Variants in SCFD1 observed in about 807,000 individuals in gnomAD.
SCFD1 encodes sec1 family domain-containing protein 1.
SCFD1 carries 37 observed loss-of-function variants against 103.2 expected under a neutral mutation model. That is an observed-to-expected ratio of 0.36 (90% CI 0.28 to 0.47). The LOEUF (loss-of-function observed/expected upper bound fraction) is 0.47, where lower values mean the gene tolerates loss of function less well. Ranked by LOEUF, SCFD1 falls within the 20% of genes least tolerant of loss-of-function variation. The probability of loss-of-function intolerance (pLI) is 1.00; values close to 1 mark genes in which losing one functional copy is unlikely to be tolerated. For synonymous variants in SCFD1, 264 were observed against 245.0 expected (o/e 1.08, Z -0.73); for missense variants, 639 against 761.2 (o/e 0.84, Z 1.89).
At chr14:30,701,585 G>C (rs906607370) in intron 16 of SCFD1, among the ~76,000 whole-genome samples, 1 of 151,956 alleles carries the variant, frequency 6.6e-6, no homozygotes, top group Non-Finnish European at 1.5e-5. Context: ...ATCAACAGGG[G>C]TTTACCTATA....
chr14:30,719,468 T>G, intron 21 of SCFD1, 91 bp downstream of exon 21: 1 of 853,748 alleles, frequency 1.2e-6, no homozygotes, highest in Non-Finnish European at 1.9e-6. Context: ...TTATTAAAAA[T>G]CCAAACTATA....
intron 23 of SCFD1, among the ~76,000 whole-genome samples, chr14:30,730,845 C>CTTAGT (rs1013525171): frequency 2.6e-5 from 4 of 152,028 alleles, no homozygotes; most frequent in African/African-American, 9.7e-5. Context: ...GCAGAAGCTC[C>CTTAGT]TTAGTTTAGT....
rs534093226 is a variant in SCFD1 at position 30,664,716 on chromosome 14, G to T, written c.856-5540G>T. On this transcript the variant is annotated intron_variant, in intron 10 of 24. Coordinates refer to ENST00000458591, the MANE Select transcript of SCFD1 (RefSeq NM_016106.4). ...AGACCTTAAATGACCTGATGGAGCT[G>T]AAAACCATGGCACGAGAACTACGTG... 2.6e-5 allele frequency among the ~76,000 whole-genome samples: 4 copies of T among 152,238 alleles called. 1 individual carries two copies. In the South Asian group the frequency reaches 8.3e-4, roughly 32 times the overall value.
chr14:30,701,513 C>G (rs1594729747), intron 16 of SCFD1, among the ~76,000 whole-genome samples: 1 of 151,956 alleles, frequency 6.6e-6, no homozygotes, highest in Non-Finnish European at 1.5e-5. Context: ...CAAGATTGCT[C>G]CACTGCACTC....
intron 1 of SCFD1, among the ~76,000 whole-genome samples, chr14:30,626,188 A>G (rs1334400252): frequency 6.6e-6 from 1 of 151,752 alleles, no homozygotes; most frequent in Non-Finnish European, 1.5e-5. Flanking sequence ...AATACATTAA[A>G]TAAAATACAT....
Position 30,622,371 on chromosome 14 carries a change from A to G in SCFD1, c.33A>G (p.Ala11=), listed in dbSNP as rs1390478349. 2 of 1,560,042 alleles carry G rather than the reference A, an allele frequency of 1.3e-6. No individual in the cohort carries two copies. Among genetic ancestry groups the G allele is most frequent in the East Asian group, 4.8e-5 (2 of 41,662 alleles). MAAAAAATAA[A]AASIRERQTV... The stretch of plus-strand genomic sequence containing the variant: ...CGGCGGCGGCAGCGACAGCAGCAGC[A>G]GCAGCCAGTATTCGGGAAAGGCAGA... The change falls in exon 1 of 25, where the codon GCA becomes GCG. Residue 11 remains alanine (A), a synonymous_variant. Transcript: ENST00000458591.
intron 10 of SCFD1, among the ~76,000 whole-genome samples, chr14:30,660,409 G>A (rs1351435318): frequency 6.6e-6 from 1 of 152,100 alleles, no homozygotes; most frequent in East Asian, 1.9e-4. Flanking sequence ...GGTACATAAT[G>A]TCTGTTTGTC....
intron 2 of SCFD1, among the ~76,000 whole-genome samples, chr14:30,629,928 T>C (rs192884113): frequency 1.1e-3 from 164 of 151,694 alleles, no homozygotes; most frequent in Admixed American, 2.4e-3. Flanking sequence ...ATGCTTAAAA[T>C]ACTAAATTTT....
intron 19 of SCFD1, among the ~76,000 whole-genome samples, chr14:30,714,209 C>A (rs1221512212): frequency 6.7e-6 from 1 of 148,654 alleles, no homozygotes; most frequent in East Asian, 2.0e-4. Context: ...AAAAAATTAG[C>A]CGGGCGCAGT....
intron 19 of SCFD1, 180 bp from the exon 20 acceptor site, chr14:30,715,744 C>T: frequency 2.0e-6 from 1 of 497,758 alleles, no homozygotes. Flanking sequence ...CCTGTGGAAA[C>T]TTGAGTAGTG....
chr14:30,653,380 G>A (rs1886585469), intron 9 of SCFD1, 109 bp from the exon 10 acceptor site: 6 of 688,520 alleles, frequency 8.7e-6, no homozygotes, highest in Admixed American at 5.2e-5. Flanking sequence ...GTCAATATTA[G>A]CATACTATTA....
At chr14:30,705,792 A>G (rs376866603) in intron 17 of SCFD1, 31 bp from the exon 18 acceptor site, 1 of 1,580,618 alleles carries the variant, frequency 6.3e-7, no homozygotes, top group Non-Finnish European at 8.7e-7. Flanking sequence ...TCTAATAATT[A>G]GCTTTTAAGT....
rs1228762720 is a variant in SCFD1 at position 30,734,841 on chromosome 14, A to G, written c.1888A>G (p.Thr630Ala). Residue 630 changes from threonine to alanine, a missense_variant, in exon 24 of 25, where the codon ACA becomes GCA. Coordinates refer to ENST00000458591, the MANE Select transcript of SCFD1 (RefSeq NM_016106.4). ...LYGCSELFNA[T>A]QFIKQLSQLG... ...TGGCTGCAGTGAGCTTTTTAATGCT[A>G]CACAGTTCATAAAACAGGTAAAGTA... is the stretch of plus-strand genomic sequence containing the variant. 1 of 1,612,496 alleles carries G rather than the reference A, an allele frequency of 6.2e-7. No homozygotes were observed.
intron 9 of SCFD1, chr14:30,652,206 G>A (rs1886459144): frequency 6.6e-6 from 1 of 152,186 alleles, no homozygotes; most frequent in Non-Finnish European, 1.5e-5. Flanking sequence ...TAAACAGATA[G>A]TGATGCCTTT....
intron 14 of SCFD1, among the ~76,000 whole-genome samples, chr14:30,680,099 CA>C (rs918117382): frequency 6.6e-6 from 1 of 151,792 alleles, no homozygotes; most frequent in African/African-American, 2.4e-5. Context: ...TTCTACATCT[CA>C]AAAAAAATAT....
chr14:30,727,696 C>T (rs1482197410), intron 23 of SCFD1, among the ~76,000 whole-genome samples: 2 of 151,966 alleles, frequency 1.3e-5, no homozygotes, highest in East Asian at 3.9e-4. Flanking sequence ...ACTTTTCCTC[C>T]TTTCTCCTGT....
rs186646455 is a variant in SCFD1 at position 30,646,273 on chromosome 14, G to A, written c.613+2868G>A. On this transcript the variant is annotated intron_variant, in intron 7 of 24. Coordinates refer to ENST00000458591, the MANE Select transcript of SCFD1 (RefSeq NM_016106.4). ...CTTGACCTCGTGATCCACCTGCCTC[G>A]GCCTCCCAAAGTGCTGGAATTACAG... Among the ~76,000 whole-genome samples the A allele has an allele frequency of 5.8e-4, 88 of 151,666 alleles. 1 individual carries two copies. Among genetic ancestry groups the A allele is most frequent in the African/African-American group, 2.1e-3 (85 of 41,312 alleles).
chr14:30,653,201 C>A (rs1212786596), intron 9 of SCFD1, among the ~76,000 whole-genome samples: 1 of 151,838 alleles, frequency 6.6e-6, no homozygotes, highest in Non-Finnish European at 1.5e-5. Flanking sequence ...CTCCAGAAAC[C>A]AAGGCAGAAG....
At chr14:30,667,969 C>T (rs933529617) in intron 10 of SCFD1, among the ~76,000 whole-genome samples, 3 of 152,176 alleles carry the variant, frequency 2.0e-5, no homozygotes, top group Non-Finnish European at 2.9e-5. Flanking sequence ...TGAAAACGGC[C>T]ATACTGCCCA....
Sources: allele counts gnomAD v4.1 joint callset (sites outside exome capture counted in the v4.1 genomes callset), GRCh38; gene constraint gnomAD v4.1.1; transcripts MANE v1.5; gene names NCBI Gene and HGNC (gene_info 2026-07-23, HGNC 2026-07-21).